The following ZNF202 variants were observed in gnomAD, a reference collection of about 807,000 sequenced individuals.
ZNF202 encodes the protein zinc finger protein 202.
ZNF202 carries 22 observed loss-of-function variants against 54.5 expected under a neutral mutation model. The ratio of observed to expected loss-of-function variants is 0.40; its 90% CI spans 0.29 to 0.58. ZNF202 has a LOEUF of 0.58. Among genes scored for constraint, ZNF202 ranks in the 20% least tolerant of loss-of-function variants. The probability of loss-of-function intolerance (pLI) is 0.39; values close to 1 mark genes in which losing one functional copy is unlikely to be tolerated. For missense variants in ZNF202, 644 were observed against 805.5 expected, an observed-to-expected ratio of 0.80 and a Z score of 2.43; for synonymous variants, 294 against 301.4, an observed-to-expected ratio of 0.98 and a Z score of 0.26.
Position 123,740,535 on chromosome 11 carries a change from A to C in ZNF202, c.-292T>G, listed in dbSNP as rs1278115186. The stretch of plus-strand genomic sequence containing the variant: ...TCTGAGTGTAGCTGCCCTGGGTGTC[A>C]CCTGCAGAGCGTGGATAGAGAAAAA... On this transcript the variant is annotated splice_region_variant and 5_prime_UTR_variant, in exon 2 of 9. Transcript: ENST00000530393. The C allele has an allele frequency of 1.3e-5, 2 of 152,204 alleles. No homozygotes were observed. Among genetic ancestry groups the C allele is most frequent in the African/African-American group, 4.8e-5 (2 of 41,426 alleles). 9.4% of individuals were successfully genotyped at this position (152,204 alleles called of 1,614,324 possible).
chr11:123,724,504 T>G lies in ZNF202; in HGVS notation c.*1493A>C, dbSNP rs1861039867. On this transcript the variant is annotated 3_prime_UTR_variant, in exon 9 of 9. Coordinates refer to ENST00000530393, the MANE Select transcript of ZNF202 (RefSeq NM_003455.4). ...TGGAGTCTTATTAACCCTCCCCTAT[T>G]CCTCGGGCCCATAATGCATTATGAG... The G allele has an allele frequency of 6.6e-6, 1 of 152,142 alleles. No homozygotes were observed. The allele number at this position is 152,142 out of a possible 1,614,324, so 9.4% of individuals were successfully genotyped here.
chr11:123,726,295 CT>C lies in ZNF202; in HGVS notation c.1648del (p.Arg550GlyfsTer35), dbSNP rs1565518772. 1 of 1,614,230 alleles carries C rather than the reference CT, an allele frequency of 6.2e-7. No homozygotes were observed. Among genetic ancestry groups the C allele is most frequent in the South Asian group, 1.1e-5 (1 of 91,074 alleles). On this transcript the variant is annotated frameshift_variant, in exon 9 of 9. Transcript: ENST00000530393. LOFTEE classifies it high-confidence loss of function. This position sits in a 1 kb window ranked among gnomAD's most constrained non-coding sequence, Gnocchi z 6.0. ...GECGEDFSEH[R>X]RYLAHRKTHA... ...CGTCTTCCGGTGCGCCAGGTACCGC[CT>C]GTGTTCACTGAAGTCCTCACCACAC...
Position 123,730,844 on chromosome 11 carries a change from T to C in ZNF202, c.45A>G (p.Glu15=), listed in dbSNP as rs747570521. The C allele has an allele frequency of 1.2e-6, 2 of 1,614,162 alleles. No homozygotes were observed. Among genetic ancestry groups the C allele is most frequent in the Non-Finnish European group, 8.5e-7 (1 of 1,180,002 alleles). The part of the protein sequence containing the change: ...VEPEDQDLWE[E]EGILMVKLED... ...CCAGTTTCACCATCAGAATTCCCTC[T>C]TCTTCCCAAAGATCCTGGTCCTCTG... The change falls in exon 4 of 9, where the codon GAA becomes GAG. Residue 15 remains glutamate (E), a synonymous_variant. Transcript: ENST00000530393. This position sits in a 1 kb window ranked among gnomAD's most constrained non-coding sequence, Gnocchi z 6.0.
intron 3 of ZNF202, among the ~76,000 whole-genome samples, chr11:123,736,575 CG>C (rs574830386): frequency 7.9e-5 from 12 of 152,160 alleles, no homozygotes; most frequent in Non-Finnish European, 1.6e-4. Flanking sequence ...TTCTTTAAAA[CG>C]AAAGATTAGC....
rs1861170863 is a variant in ZNF202 at position 123,726,878 on chromosome 11, T to A, written c.1066A>T (p.Ile356Leu). 6.2e-7 allele frequency: 1 copy of A among 1,614,108 alleles called. No homozygotes were observed. Among genetic ancestry groups the A allele is most frequent in the Admixed American group, 1.7e-5 (1 of 60,016 alleles). The change falls in exon 9 of 9, where the codon ATA (isoleucine) becomes TTA (leucine). Residue 356 changes from isoleucine to leucine, a missense_variant. Coordinates refer to ENST00000530393, the MANE Select transcript of ZNF202 (RefSeq NM_003455.4). The surrounding 1 kb of genome is among the most constrained non-coding windows in gnomAD (Gnocchi z 6.0). ...PEIHQTPDWE[I>L]VFEDNPGRLN... ...CTACCTGGATTGTCCTCAAAGACTATTTCCCAATCTGGAGTCTGGTGAATT... is the reference window on the plus strand; with the variant it reads ...CTACCTGGATTGTCCTCAAAGACTAATTCCCAATCTGGAGTCTGGTGAATT...
chr11:123,733,363 T>A (rs1861495027), intron 3 of ZNF202, among the ~76,000 whole-genome samples: 1 of 152,228 alleles, frequency 6.6e-6, no homozygotes, highest in African/African-American at 2.4e-5. Context: ...AGCTCCCTAA[T>A]TCCTAGATCT....
At chr11:123,729,850 C>A (rs746961073) in intron 4 of ZNF202, 25 bp from the exon 5 acceptor site, 2 of 1,574,548 alleles carry the variant, frequency 1.3e-6, no homozygotes, top group South Asian at 1.2e-5. Flanking sequence ...AACTTCCAGT[C>A]ACCATGGAGT....
In ZNF202 at chr11:123,724,433, A is replaced by C. The variant is rs913090122; in HGVS notation, c.*1564T>G. The C allele has an allele frequency of 2.6e-5, 4 of 152,228 alleles. No homozygotes were observed. The highest frequency in any genetic ancestry group is 5.9e-5 in the Non-Finnish European group (4 of 68,044). 9.4% of individuals were successfully genotyped at this position (152,228 alleles called of 1,614,324 possible). A position where few individuals can be genotyped will look rare whatever the true frequency, so the allele number is the denominator to read the frequency against. On this transcript the variant is annotated 3_prime_UTR_variant, in exon 9 of 9. Transcript: ENST00000530393. Reference sequence around the variant, plus strand: ...TATTAAGACCAAACCAGTCCATCAGAATATCATCGACCAAAATGAGAATTT... The same window carrying C: ...TATTAAGACCAAACCAGTCCATCAGCATATCATCGACCAAAATGAGAATTT...
At position 123,728,217 on chromosome 11, in the gene ZNF202, G is replaced by C. The variant is rs759793156; in HGVS notation, c.748C>G (p.Gln250Glu). ...TGTGTTGGGTCCAGATCACTCCACT[G>C]GTCCTGGGAAAAGCATACGGCCACA... ...KDVAVCFSQD[Q>E]WSDLDPTQKE... Residue 250 changes from glutamine (Q) to glutamate (E), a missense_variant, in exon 7 of 9, where the codon CAG becomes GAG. This residue lies in a region of ZNF202 where 536 missense variants were observed against 635.3 expected (regional missense o/e 0.84). Coordinates refer to ENST00000530393, the MANE Select transcript of ZNF202 (RefSeq NM_003455.4). 6.2e-7 allele frequency: 1 copy of C among 1,612,986 alleles called. No individual in the cohort carries two copies.
rs751739032 is a variant in ZNF202, at chr11:123,726,079, G to A, written c.1865C>T (p.Thr622Met). ...QRTHTGEKPF[T>M]CPTCGKSFSR... ...GAAGCTTTTTCCACAGGTAGGGCAC[G>A]TGAATGGTTTCTCCCCAGTGTGTGT... The change falls in exon 9 of 9, where the codon ACG (threonine) becomes ATG (methionine). Residue 622 changes from threonine (T) to methionine (M), a missense_variant. Coordinates refer to ENST00000530393, the MANE Select transcript of ZNF202 (RefSeq NM_003455.4). This position sits in a 1 kb window ranked among gnomAD's most constrained non-coding sequence, Gnocchi z 6.0. 2.2e-5 allele frequency: 36 copies of A among 1,614,072 alleles called. No homozygotes were observed. The highest frequency in any genetic ancestry group is 4.5e-5 in the East Asian group (2 of 44,882).
At chr11:123,739,671 G>A (rs1249328744) in intron 3 of ZNF202, 14 of 152,196 alleles carry the variant, frequency 9.2e-5, no homozygotes, top group Non-Finnish European at 1.9e-4. Context: ...AGACCTAAGT[G>A]ATTATCTATA....
chr11:123,727,928 T>C (rs1861227092), intron 7 of ZNF202, among the ~76,000 whole-genome samples: 1 of 152,206 alleles, frequency 6.6e-6, no homozygotes, highest in African/African-American at 2.4e-5. Context: ...ACAAGTTTGT[T>C]TTCCTATTAG....
At chr11:123,735,241 T>C (rs568163312) in intron 3 of ZNF202, among the ~76,000 whole-genome samples, 1 of 152,304 alleles carries the variant, frequency 6.6e-6, no homozygotes, top group East Asian at 1.9e-4. Flanking sequence ...TCCAGTGAAG[T>C]AGACTTGGAA....
chr11:123,723,914 T>A lies in ZNF202; in HGVS notation c.*2083A>T, dbSNP rs1343661491. Among the ~76,000 whole-genome samples the A allele has an allele frequency of 6.6e-6, 1 of 152,216 alleles. No individual in the cohort carries two copies. Among genetic ancestry groups the A allele is most frequent in the Non-Finnish European group, 1.5e-5 (1 of 68,038 alleles). The stretch of plus-strand genomic sequence containing the variant: ...AACAAACCGGCCCAGCCTCACAAGC[T>A]TTCCCTCATGTAGAACTCTGACAGA... On this transcript the variant is annotated 3_prime_UTR_variant, in exon 9 of 9. Transcript: ENST00000530393.
Position 123,728,233 on chromosome 11 carries a change from T to C in ZNF202, c.732A>G (p.Val244=), listed in dbSNP as rs2282644. Residue 244 remains valine, a synonymous_variant, in exon 7 of 9, where the codon GTA becomes GTG. Coordinates refer to ENST00000530393, the MANE Select transcript of ZNF202 (RefSeq NM_003455.4). ...QGLVTFKDVA[V]CFSQDQWSDL... is the part of the protein sequence containing the mutation. Reference sequence around the variant, plus strand: ...CACTCCACTGGTCCTGGGAAAAGCATACGGCCACATCCTTGAACGTTACCA... The same window carrying C: ...CACTCCACTGGTCCTGGGAAAAGCACACGGCCACATCCTTGAACGTTACCA... The C allele has an allele frequency of 0.27, 433,109 of 1,611,662 alleles. 60,839 individuals carry two copies. Among genetic ancestry groups the C allele is most frequent in the East Asian group, 0.34 (15,024 of 44,730 alleles).
At chr11:123,735,821 T>C (rs908903461) in intron 3 of ZNF202, among the ~76,000 whole-genome samples, 2 of 152,242 alleles carry the variant, frequency 1.3e-5, no homozygotes, top group African/African-American at 4.8e-5. Flanking sequence ...TTTTATTCTA[T>C]AATTAATGGG....
Position 123,726,893 on chromosome 11 carries a change from T to C in ZNF202, c.1051A>G (p.Thr351Ala), listed in dbSNP as rs757611240. The change falls in exon 9 of 9, where the codon ACT becomes GCT. Residue 351 changes from threonine to alanine, a missense_variant. Coordinates refer to ENST00000530393, the MANE Select transcript of ZNF202 (RefSeq NM_003455.4). The surrounding 1 kb of genome is among the most constrained non-coding windows in gnomAD (Gnocchi z 6.0). ...PVLGEPEIHQ[T>A]PDWEIVFEDN... ...TCAAAGACTATTTCCCAATCTGGAG[T>C]CTGGTGAATTTCTGGTTCTCCCAAA... is the stretch of plus-strand genomic sequence containing the variant. 1.2e-6 allele frequency: 2 copies of C among 1,614,090 alleles called. No individual in the cohort carries two copies. Among genetic ancestry groups the C allele is most frequent in the Non-Finnish European group, 1.7e-6 (2 of 1,180,024 alleles).
At chr11:123,739,697 A>G (rs1425281618) in intron 3 of ZNF202, among the ~76,000 whole-genome samples, 1 of 152,234 alleles carries the variant, frequency 6.6e-6, no homozygotes, top group Non-Finnish European at 1.5e-5. Flanking sequence ...TCAGATTACT[A>G]GTTTCCAACA....
At chr11:123,740,047 A>C (rs11219264) in intron 3 of ZNF202, 70 bp downstream of exon 3, 80,534 of 152,030 alleles carry the variant, frequency 0.53, 21,894 homozygotes, top group Middle Eastern at 0.73. Context: ...AACAAGGGGT[A>C]TAGAACTGTT....
Sources: allele counts gnomAD v4.1 joint callset (sites outside exome capture counted in the v4.1 genomes callset), GRCh38; gene constraint gnomAD v4.1.1; regional missense constraint gnomAD v4.1.1; non-coding constraint Gnocchi (gnomAD v3.1); transcripts MANE v1.5; gene names NCBI Gene and HGNC (gene_info 2026-07-23, HGNC 2026-07-21).